Variants in TTC7B observed in about 807,000 individuals in gnomAD.
The protein encoded by TTC7B is tetratricopeptide repeat domain 7B, also known as tetratricopeptide repeat protein 7B.
In TTC7B, 28 loss-of-function variants were observed where a neutral mutation model predicts 106.8. The ratio of observed to expected loss-of-function variants is 0.26; its 90% CI spans 0.19 to 0.36. The LOEUF is 0.36. Among genes scored for constraint, TTC7B ranks in the 10% least tolerant of loss-of-function variants. TTC7B has a pLI of 1.00. For missense variants in TTC7B, 862 were observed against 1,076.4 expected (o/e 0.80, Z 2.79); for synonymous variants, 405 against 430.6 (o/e 0.94, Z 0.74).
chr14:90,804,897 G>A (rs970312998), intron 1 of TTC7B, among the ~76,000 whole-genome samples: 4 of 152,244 alleles, frequency 2.6e-5, no homozygotes, highest in Non-Finnish European at 5.9e-5. Flanking sequence ...ACAGAGGGGC[G>A]GTGGAGGGGA....
intron 18 of TTC7B, among the ~76,000 whole-genome samples, chr14:90,582,685 T>C (rs1891548392): frequency 6.6e-6 from 1 of 152,204 alleles, no homozygotes; most frequent in African/African-American, 2.4e-5. Flanking sequence ...ACTGGACTCA[T>C]TTGAGCCCCG....
intron 3 of TTC7B, among the ~76,000 whole-genome samples, chr14:90,758,416 G>T (rs1890384994): frequency 8.4e-6 from 1 of 119,616 alleles, no homozygotes; most frequent in African/African-American, 3.1e-5. Context: ...GCGGGGTCGG[G>T]GACAGCAGTG....
chr14:90,555,519 C>T (rs1179923474), intron 19 of TTC7B, among the ~76,000 whole-genome samples: 1 of 152,218 alleles, frequency 6.6e-6, no homozygotes, highest in East Asian at 1.9e-4. Context: ...AGACCCTTCA[C>T]AGTCTGGATT....
At position 90,585,599 on chromosome 14, in the gene TTC7B, G is replaced by A. The variant is rs34003151; in HGVS notation, c.2108-7291C>T. ...ACATCCCCCCTCTCTTTTGGATGCC[G>A]AGGGCCTCATTTTTACCTGATCATC... On this transcript the variant is annotated intron_variant, in intron 18 of 19. Coordinates refer to ENST00000328459, the MANE Select transcript of TTC7B (RefSeq NM_001010854.2). 5.0e-3 allele frequency: 757 copies of A among 152,376 alleles called. 5 individuals are homozygous for A. Among genetic ancestry groups the A allele is most frequent in the Middle Eastern group, 0.01 (3 of 296 alleles). 9.4% of individuals were successfully genotyped at this position (152,376 alleles called of 1,614,324 possible).
chr14:90,552,002 G>A (rs1890101462), intron 19 of TTC7B, among the ~76,000 whole-genome samples: 1 of 152,266 alleles, frequency 6.6e-6, no homozygotes, highest in Admixed American at 6.5e-5. Flanking sequence ...TTTCATTTCT[G>A]TTTGTTCTCA....
intron 19 of TTC7B, among the ~76,000 whole-genome samples, chr14:90,558,963 G>A (rs923358231): frequency 5.9e-5 from 9 of 152,350 alleles, no homozygotes; most frequent in African/African-American, 1.2e-4. Context: ...ATAGGGGCGC[G>A]GAAATGATGC....
At chr14:90,609,766 A>G (rs1892801355) in intron 17 of TTC7B, among the ~76,000 whole-genome samples, 1 of 152,226 alleles carries the variant, frequency 6.6e-6, no homozygotes. Flanking sequence ...CTCAAAGAAG[A>G]GCAAATTTAT....
intron 3 of TTC7B, among the ~76,000 whole-genome samples, chr14:90,771,594 C>T (rs61989879): frequency 0.24 from 35,699 of 151,766 alleles, 5,039 homozygotes; most frequent in East Asian, 0.39. Flanking sequence ...AGCAAGACCC[C>T]GTCTCAAAAA....
chr14:90,778,289 C>T (rs747898736), intron 3 of TTC7B, among the ~76,000 whole-genome samples: 4 of 152,192 alleles, frequency 2.6e-5, no homozygotes, highest in African/African-American at 4.8e-5. Context: ...ACCTCATGGG[C>T]GGGGTGACCA....
chr14:90,761,251 A>C (rs550829745), intron 3 of TTC7B, among the ~76,000 whole-genome samples: 4 of 151,716 alleles, frequency 2.6e-5, no homozygotes, highest in Admixed American at 6.6e-5. Context: ...CCATTGTTCC[A>C]AAGGTCACAA....
At chr14:90,713,535 A>C (rs1454269139) in intron 5 of TTC7B, among the ~76,000 whole-genome samples, 2 of 152,236 alleles carry the variant, frequency 1.3e-5, no homozygotes, top group African/African-American at 2.4e-5. Flanking sequence ...GAATGGCTCT[A>C]ATTCAAAAAA....
chr14:90,539,698 G>C lies in TTC7B; in HGVS notation c.*1670C>G, dbSNP rs2139758972. The C allele has an allele frequency of 6.6e-6, 1 of 152,438 alleles. No homozygotes were observed. Among genetic ancestry groups the C allele is most frequent in the South Asian group, 2.1e-4 (1 of 4,820 alleles). 9.4% of individuals were successfully genotyped at this position (152,438 alleles called of 1,614,324 possible). A position where few individuals can be genotyped will look rare whatever the true frequency, so the allele number is the denominator to read the frequency against. The stretch of plus-strand genomic sequence containing the variant: ...ATTTCCCTGTGTCCTGGAAAGGTGG[G>C]GCCACCCTACAGCTGTCCCTGAGAG... On this transcript the variant is annotated 3_prime_UTR_variant, in exon 20 of 20. Transcript: ENST00000328459.
intron 17 of TTC7B, among the ~76,000 whole-genome samples, chr14:90,598,240 A>T (rs1367086088): frequency 6.6e-6 from 1 of 152,226 alleles, no homozygotes; most frequent in Non-Finnish European, 1.5e-5. Context: ...TCTGAAATCT[A>T]GCACAGGTCT....
At position 90,801,919 on chromosome 14, in the gene TTC7B, G is replaced by T. The variant is rs113843957; in HGVS notation, c.121+14256C>A. 2.0e-3 allele frequency among the ~76,000 whole-genome samples: 312 copies of T among 152,198 alleles called. 1 individual carries two copies. The highest frequency in any genetic ancestry group is 6.6e-3 in the African/African-American group (273 of 41,516). ...CTACTAAAAGTACAAAAATTAGCCA[G>T]GTATGGTGGTGGGTGCCTGTAATCC... On this transcript the variant is annotated intron_variant, in intron 1 of 19. Transcript: ENST00000328459.
chr14:90,641,218 TATC>T (rs1397151227), intron 15 of TTC7B, among the ~76,000 whole-genome samples: 1 of 152,238 alleles, frequency 6.6e-6, no homozygotes, highest in Non-Finnish European at 1.5e-5. Flanking sequence ...CAGCAAGTTT[TATC>T]ATTTCATGGT....
At chr14:90,750,742 A>AT (rs1392716427) in intron 3 of TTC7B, among the ~76,000 whole-genome samples, 1 of 152,230 alleles carries the variant, frequency 6.6e-6, no homozygotes, top group Non-Finnish European at 1.5e-5. Flanking sequence ...TATTAAATTA[A>AT]TTAAGTATTG....
chr14:90,550,670 C>T (rs950987528), intron 19 of TTC7B, among the ~76,000 whole-genome samples: 1 of 152,168 alleles, frequency 6.6e-6, no homozygotes, highest in Non-Finnish European at 1.5e-5. Context: ...GAGGGGGGGC[C>T]CTTCCGTGAT....
chr14:90,590,294 A>G (rs772898007), intron 18 of TTC7B, among the ~76,000 whole-genome samples: 2 of 152,206 alleles, frequency 1.3e-5, no homozygotes, highest in Non-Finnish European at 2.9e-5. Flanking sequence ...ATACATGCAC[A>G]GACAAGTGGC....
intron 18 of TTC7B, among the ~76,000 whole-genome samples, chr14:90,583,290 C>A: frequency 6.6e-6 from 1 of 152,244 alleles, no homozygotes; most frequent in East Asian, 1.9e-4. Context: ...AGCAGAGGAT[C>A]TACAGGCTGG....
Sources: allele counts gnomAD v4.1 joint callset (sites outside exome capture counted in the v4.1 genomes callset), GRCh38; gene constraint gnomAD v4.1.1; transcripts MANE v1.5; gene names NCBI Gene and HGNC (gene_info 2026-07-23, HGNC 2026-07-21).